FOXJ3: variants seen among roughly 807,000 people sequenced by gnomAD.
FOXJ3 encodes the protein forkhead box protein J3.
Under a neutral mutation model 76.1 loss-of-function variants are expected in FOXJ3, and 22 were observed. The ratio of observed to expected loss-of-function variants is 0.29; its 90% CI spans 0.21 to 0.41. FOXJ3 has a LOEUF of 0.41. Ranked by LOEUF, FOXJ3 falls within the 10% of genes least tolerant of loss-of-function variation. The pLI is 1.00. For missense variants in FOXJ3, 613 were observed against 762.1 expected (o/e 0.80, Z 2.30); for synonymous variants, 269 against 261.2 (o/e 1.03, Z -0.29).
intron 5 of FOXJ3, among the ~76,000 whole-genome samples, chr1:42,211,882 C>T (rs1646972343): frequency 1.3e-5 from 2 of 152,144 alleles, no homozygotes; most frequent in African/African-American, 4.8e-5. Flanking sequence ...AAGTTACATC[C>T]TGGAGTACTG....
At chr1:42,299,311 T>C (rs955917882) in intron 2 of FOXJ3, among the ~76,000 whole-genome samples, 3 of 152,150 alleles carry the variant, frequency 2.0e-5, no homozygotes, top group African/African-American at 7.2e-5. Context: ...CATATATATT[T>C]AGGATAGTTA....
At position 42,191,530 on chromosome 1, in the gene FOXJ3, A is replaced by G. The variant is rs1180797944; in HGVS notation, c.1124T>C (p.Met375Thr). The G allele has an allele frequency of 4.9e-5, 79 of 1,613,926 alleles. No individual in the cohort carries two copies. Among genetic ancestry groups the G allele is most frequent in the Non-Finnish European group, 6.4e-5 (75 of 1,179,996 alleles). The change falls in exon 9 of 13, where the codon ATG (methionine) becomes ACG (threonine). Residue 375 changes from methionine to threonine, a missense_variant. Met to Thr is a moderately conservative substitution (Grantham distance 81). Transcript: ENST00000361346. ...VAQVSLSHPQ[M>T]HTQPSPHPPH... ...AGGATGTGGAGATGGCTGTGTGTGC[A>G]TCTGGGGGTGAGACAGTGAGACCTG...
At chr1:42,277,080 T>C (rs1652320056) in intron 3 of FOXJ3, among the ~76,000 whole-genome samples, 1 of 152,248 alleles carries the variant, frequency 6.6e-6, no homozygotes, top group Admixed American at 6.5e-5. Context: ...TGATGAAATA[T>C]ACATGGGAAC....
intron 4 of FOXJ3, among the ~76,000 whole-genome samples, chr1:42,237,163 A>G (rs1648712822): frequency 6.6e-6 from 1 of 151,878 alleles, no homozygotes; most frequent in Non-Finnish European, 1.5e-5. Context: ...ATCACGAGGT[A>G]AGGAGATCGA....
intron 3 of FOXJ3, 29 bp downstream of exon 3, chr1:42,278,319 A>G: frequency 7.1e-7 from 1 of 1,416,964 alleles, no homozygotes. Flanking sequence ...CTTACTTCAT[A>G]AAAGTAATAA....
intron 5 of FOXJ3, among the ~76,000 whole-genome samples, chr1:42,213,097 G>A (rs1358838187): frequency 6.6e-6 from 1 of 151,844 alleles, no homozygotes; most frequent in Non-Finnish European, 1.5e-5. Context: ...TGAAACAAAA[G>A]GTTGATGCGC....
intron 5 of FOXJ3, among the ~76,000 whole-genome samples, chr1:42,220,492 C>T (rs1647160044): frequency 6.6e-6 from 1 of 152,160 alleles, no homozygotes; most frequent in South Asian, 2.1e-4. Flanking sequence ...ATCCCACCTA[C>T]ACTCTGAAGG....
intron 2 of FOXJ3, among the ~76,000 whole-genome samples, chr1:42,292,757 AT>A (rs1234642306): frequency 6.6e-6 from 1 of 152,204 alleles, no homozygotes; most frequent in African/African-American, 2.4e-5. Flanking sequence ...TGTCAGACTT[AT>A]AAAATTGTAC....
intron 2 of FOXJ3, among the ~76,000 whole-genome samples, chr1:42,294,302 C>A (rs1653633415): frequency 6.6e-6 from 1 of 152,168 alleles, no homozygotes; most frequent in Non-Finnish European, 1.5e-5. Context: ...ATCCCCAGGG[C>A]TCTGAATGTT....
intron 5 of FOXJ3, among the ~76,000 whole-genome samples, chr1:42,221,950 T>TAA (rs35308694): frequency 8.0e-5 from 1 of 12,512 alleles, no homozygotes; most frequent in African/African-American, 3.2e-4. Context: ...CTGTCTCTAT[T>TAA]AAAAAAAAAA....
At chr1:42,251,316 C>G (rs948480312) in intron 4 of FOXJ3, among the ~76,000 whole-genome samples, 1 of 152,060 alleles carries the variant, frequency 6.6e-6, no homozygotes. Context: ...ATTGAAAACT[C>G]GGACAAGTGG....
intron 1 of FOXJ3, 44 bp from the exon 2 acceptor site, chr1:42,311,154 ATTAAACCATAAGTCTCACT>A (rs1213742148): frequency 6.5e-6 from 8 of 1,232,276 alleles, no homozygotes; most frequent in Non-Finnish European, 8.1e-6. Flanking sequence ...TGCAAAGTAA[ATTAAACCATAAGTCTCACT>A]TTAGATTTAA....
chr1:42,302,175 G>A (rs1654193321), intron 2 of FOXJ3, among the ~76,000 whole-genome samples: 1 of 152,148 alleles, frequency 6.6e-6, no homozygotes, highest in African/African-American at 2.4e-5. Context: ...GGGCCAGGGT[G>A]GTGGAGGTCT....
chr1:42,334,336 C>G (rs1346784277), intron 1 of FOXJ3, among the ~76,000 whole-genome samples: 1 of 152,200 alleles, frequency 6.6e-6, no homozygotes, highest in Non-Finnish European at 1.5e-5. Flanking sequence ...ACCCTAACAC[C>G]TTCCACGCCA....
intron 4 of FOXJ3, among the ~76,000 whole-genome samples, chr1:42,232,816 A>C (rs2124481577): frequency 1.3e-5 from 2 of 152,286 alleles, no homozygotes; most frequent in Middle Eastern, 6.8e-3. Context: ...CCATTTGTCA[A>C]TTTTGGCTTT....
At chr1:42,334,472 A>G (rs1656347235) in intron 1 of FOXJ3, among the ~76,000 whole-genome samples, 1 of 151,782 alleles carries the variant, frequency 6.6e-6, no homozygotes, top group African/African-American at 2.4e-5. Context: ...CACACAGGAC[A>G]GCAACACGTC....
chr1:42,328,867 A>C (rs1476839302), intron 1 of FOXJ3, among the ~76,000 whole-genome samples: 1 of 151,932 alleles, frequency 6.6e-6, no homozygotes, highest in Admixed American at 6.6e-5. Flanking sequence ...AGATTTCACT[A>C]TGTGGACCAG....
At chr1:42,231,470 G>A (rs1648109090) in intron 4 of FOXJ3, among the ~76,000 whole-genome samples, 2 of 152,176 alleles carry the variant, frequency 1.3e-5, no homozygotes, top group South Asian at 4.1e-4. Context: ...TAGGGGATAA[G>A]GGGAAGGGAA....
chr1:42,284,961 T>A (rs1211561304), intron 2 of FOXJ3, among the ~76,000 whole-genome samples: 1 of 152,200 alleles, frequency 6.6e-6, no homozygotes, highest in African/African-American at 2.4e-5. Flanking sequence ...ACTTCAAAAC[T>A]GACTTTCTTA....
Sources: allele counts gnomAD v4.1 joint callset (sites outside exome capture counted in the v4.1 genomes callset), GRCh38; gene constraint gnomAD v4.1.1; transcripts MANE v1.5; gene names NCBI Gene and HGNC (gene_info 2026-07-23, HGNC 2026-07-21).